Variants in SLCO1A2 observed in about 807,000 individuals in gnomAD.
SLCO1A2 encodes OATP-1.
A neutral mutation model predicts 69.0 loss-of-function variants in SLCO1A2; 67 were observed. The observed-to-expected ratio is 0.97, with a 90% CI of 0.80 to 1.19. The LOEUF (loss-of-function observed/expected upper bound fraction) is 1.19, where lower values mean the gene tolerates loss of function less well. Among genes scored for constraint, SLCO1A2 ranks in the 50% most tolerant of loss-of-function variants. SLCO1A2 has a pLI of 0.00. For missense variants in SLCO1A2, 787 were observed against 793.7 expected (o/e 0.99, Z 0.10); for synonymous variants, 260 against 265.9 (o/e 0.98, Z 0.22).
At chr12:21,310,375 T>C (rs1020414551) in intron 4 of SLCO1A2, among the ~76,000 whole-genome samples, 4 of 152,266 alleles carry the variant, frequency 2.6e-5, no homozygotes, top group African/African-American at 7.2e-5. Flanking sequence ...GAAAATGTTT[T>C]ATTGCTAAAA....
intron 3 of SLCO1A2, among the ~76,000 whole-genome samples, chr12:21,317,169 C>A (rs958993357): frequency 6.6e-6 from 1 of 152,072 alleles, no homozygotes; most frequent in Non-Finnish European, 1.5e-5. Context: ...GGTTAATAAT[C>A]CCTTCCAATC....
intron 8 of SLCO1A2, among the ~76,000 whole-genome samples, chr12:21,299,757 T>TATA (rs1382765828): frequency 2.3e-5 from 3 of 132,358 alleles, no homozygotes; most frequent in African/African-American, 3.3e-5. Context: ...AATGGGACCA[T>TATA]ATATATACGT....
chr12:21,380,074 A>T (rs915826774), intron 1 of SLCO1A2: 5 of 152,108 alleles, frequency 3.3e-5, no homozygotes, highest in African/African-American at 9.7e-5. Context: ...AATCTCTCAA[A>T]CTTATTTGAA....
intron 4 of SLCO1A2, chr12:21,311,899 C>G (rs1043939018): frequency 5.3e-5 from 6 of 112,920 alleles, no homozygotes; most frequent in African/African-American, 2.4e-4. Context: ...GCACTCGAGC[C>G]TGAGCAACAG....
chr12:21,326,459 C>A (rs1201271500), intron 2 of SLCO1A2, among the ~76,000 whole-genome samples: 1 of 152,074 alleles, frequency 6.6e-6, no homozygotes, highest in African/African-American at 2.4e-5. Context: ...TTCCTACAGG[C>A]TTGAAGGGCT....
chr12:21,364,165 C>T (rs1007144636), intron 2 of SLCO1A2, among the ~76,000 whole-genome samples: 4 of 151,906 alleles, frequency 2.6e-5, no homozygotes, highest in African/African-American at 7.3e-5. Context: ...ACTGGCAAAC[C>T]GAATCCAGCA....
chr12:21,310,671 C>T (rs971432629), intron 4 of SLCO1A2, among the ~76,000 whole-genome samples: 2 of 152,196 alleles, frequency 1.3e-5, no homozygotes, highest in Admixed American at 6.5e-5. Context: ...GGCACGATCT[C>T]GGCGCACTGC....
chr12:21,343,449 G>T (rs1336441352), intron 2 of SLCO1A2, among the ~76,000 whole-genome samples: 2 of 151,816 alleles, frequency 1.3e-5, no homozygotes, highest in Non-Finnish European at 2.9e-5. Flanking sequence ...CTTTTTTCTT[G>T]CAGGACCTTC....
At chr12:21,325,852 G>A (rs61927785) in intron 2 of SLCO1A2, among the ~76,000 whole-genome samples, 14,594 of 152,178 alleles carry the variant, frequency 0.096, 938 homozygotes, top group Non-Finnish European at 0.15. Context: ...TTAAGCATCT[G>A]TAAGACCCAT....
At chr12:21,400,899 G>T (rs1941677538) in intron 1 of SLCO1A2, among the ~76,000 whole-genome samples, 1 of 109,948 alleles carries the variant, frequency 9.1e-6, no homozygotes, top group African/African-American at 3.4e-5. Context: ...AGGGGGGAGG[G>T]ATAGCATCGG....
chr12:21,283,446 GA>G (rs1945177620), intron 12 of SLCO1A2, among the ~76,000 whole-genome samples: 1 of 151,964 alleles, frequency 6.6e-6, no homozygotes, highest in Non-Finnish European at 1.5e-5. Flanking sequence ...TTAAATCTAA[GA>G]CCTCCAACTA....
chr12:21,281,465 G>GA (rs956569981), intron 12 of SLCO1A2, among the ~76,000 whole-genome samples: 6 of 149,200 alleles, frequency 4.0e-5, no homozygotes, highest in South Asian at 2.1e-4. Flanking sequence ...AAAAAGAAAA[G>GA]AAAAAAAACC....
At chr12:21,379,874 G>GT (rs1396093090) in intron 1 of SLCO1A2, 5 of 152,144 alleles carry the variant, frequency 3.3e-5, no homozygotes, top group Admixed American at 3.3e-4. Flanking sequence ...GTTGGTGGTG[G>GT]TAAGTGGTAG....
Position 21,306,944 on chromosome 12 carries a change from G to A in SLCO1A2, c.380C>T (p.Ser127Leu). The change falls in exon 5 of 15, where the codon TCA becomes TTA. Residue 127 changes from serine to leucine, a missense_variant. By Grantham distance (145) the Ser-to-Leu change is moderately radical. Transcript: ENST00000683939. ...ATTTTCCATACACAAGAAACTGTTT[G>A]AGGACAAGTTGCCTGAAACTGAAAC... ...STVSVSGNLS[S>L]NSFLCMENGT... The A allele has an allele frequency of 6.2e-7, 1 of 1,613,806 alleles. No homozygotes were observed. Among genetic ancestry groups the A allele is most frequent in the Non-Finnish European group, 8.5e-7 (1 of 1,179,780 alleles).
intron 2 of SLCO1A2, among the ~76,000 whole-genome samples, chr12:21,320,357 C>A (rs1327215574): frequency 1.3e-5 from 2 of 152,142 alleles, no homozygotes; most frequent in Non-Finnish European, 2.9e-5. Context: ...TCTAATTTGC[C>A]TATGTCTTTA....
intron 3 of SLCO1A2, 127 bp downstream of exon 3, chr12:21,318,655 G>A: frequency 1.4e-6 from 1 of 713,230 alleles, no homozygotes; most frequent in South Asian, 2.4e-5. Context: ...TAATCAGTTA[G>A]TTTTAGAAAA....
chr12:21,373,774 C>G (rs1330487208), intron 2 of SLCO1A2: 1 of 677,416 alleles, frequency 1.5e-6, no homozygotes, highest in Non-Finnish European at 2.7e-6. Context: ...TGAAACAAAC[C>G]AGAGAAACTT....
rs375191652 is a variant in SLCO1A2, at chr12:21,289,533, A to T, written c.1610+2631T>A. Among the ~76,000 whole-genome samples, 3 of 152,202 alleles carry T rather than the reference A, an allele frequency of 2.0e-5. No individual in the cohort carries two copies. In the East Asian group the frequency reaches 5.8e-4, roughly 29 times the overall value. On this transcript the variant is annotated intron_variant, in intron 12 of 14. Transcript: ENST00000683939. Reference sequence around the variant, plus strand: ...GATCAAGCTCCCTAAAAGCTCTTGAACTAGGAGATTTGATGAGCTTCTGAG... The same window carrying T: ...GATCAAGCTCCCTAAAAGCTCTTGATCTAGGAGATTTGATGAGCTTCTGAG...
intron 1 of SLCO1A2, among the ~76,000 whole-genome samples, chr12:21,407,105 A>G (rs762443908): frequency 7.9e-5 from 12 of 152,154 alleles, no homozygotes; most frequent in Non-Finnish European, 1.5e-4. Flanking sequence ...CAGGAAGGCA[A>G]AAGTGCTCTG....
Sources: gnomAD v4.1 joint callset for allele counts (sites outside exome capture counted in the v4.1 genomes callset) on GRCh38, gnomAD v4.1.1 for gene constraint, MANE v1.5 for transcripts, NCBI Gene and HGNC (gene_info 2026-07-23, HGNC 2026-07-21) for gene names.